Variants in IGSF21 observed in about 807,000 individuals in gnomAD.
IGSF21 encodes the protein immunoglobin superfamily member 21, also known as immunoglobulin superfamily member 21.
IGSF21 carries 28 observed loss-of-function variants against 46.8 expected under a neutral mutation model. The ratio of observed to expected loss-of-function variants is 0.60; its 90% CI spans 0.44 to 0.82. The LOEUF is 0.82. Among genes scored for constraint, IGSF21 ranks in the 40% least tolerant of loss-of-function variants. The pLI is 0.00. For missense variants in IGSF21, 624 were observed against 665.5 expected (o/e 0.94, Z 0.69); for synonymous variants, 284 against 273.6 (o/e 1.04, Z -0.38).
intron 2 of IGSF21, among the ~76,000 whole-genome samples, chr1:18,275,487 A>G (rs1042858244): frequency 1.3e-5 from 2 of 152,160 alleles, no homozygotes; most frequent in Admixed American, 6.5e-5. Context: ...GTGATCAGAC[A>G]TGCAGCAGCC....
intron 1 of IGSF21, among the ~76,000 whole-genome samples, chr1:18,159,219 A>C (rs1382742549): frequency 6.6e-6 from 1 of 152,236 alleles, no homozygotes; most frequent in Non-Finnish European, 1.5e-5. Flanking sequence ...AAAGATGATC[A>C]GTAGGCTGGA....
intron 6 of IGSF21, among the ~76,000 whole-genome samples, chr1:18,369,151 C>A (rs2086200211): frequency 6.6e-6 from 1 of 152,108 alleles, no homozygotes; most frequent in Non-Finnish European, 1.5e-5. Flanking sequence ...AGATGAAGGG[C>A]CCTAATTGGG....
At chr1:18,283,956 G>A (rs1181709102) in intron 2 of IGSF21, among the ~76,000 whole-genome samples, 3 of 152,128 alleles carry the variant, frequency 2.0e-5, no homozygotes, top group Admixed American at 6.6e-5. Flanking sequence ...TTCTATAATC[G>A]GGGATGCAAC....
chr1:18,259,246 G>A (rs1355912967), intron 2 of IGSF21, among the ~76,000 whole-genome samples: 1 of 152,010 alleles, frequency 6.6e-6, no homozygotes, highest in East Asian at 1.9e-4. Flanking sequence ...TCTCCCTTTG[G>A]GCATCTTTCT....
chr1:18,272,766 G>A (rs1400093806), intron 2 of IGSF21, among the ~76,000 whole-genome samples: 1 of 152,160 alleles, frequency 6.6e-6, no homozygotes, highest in African/African-American at 2.4e-5. Context: ...CTTGCCCACT[G>A]GACAAAAGAG....
intron 1 of IGSF21, among the ~76,000 whole-genome samples, chr1:18,116,502 T>G (rs1168276545): frequency 6.6e-6 from 1 of 152,242 alleles, no homozygotes; most frequent in Non-Finnish European, 1.5e-5. Context: ...GGCATGTAAC[T>G]GGCCTCTCCC....
intron 3 of IGSF21, among the ~76,000 whole-genome samples, chr1:18,308,091 C>T (rs1234786448): frequency 6.6e-6 from 1 of 152,148 alleles, no homozygotes; most frequent in African/African-American, 2.4e-5. Flanking sequence ...GTGAATGTCC[C>T]CCTCCTCCTA....
In IGSF21 at chr1:18,109,320, G is replaced by C. The variant is rs2086121004; in HGVS notation, c.70+1122G>C. On this transcript the variant is annotated intron_variant, in intron 1 of 9. Coordinates refer to ENST00000251296, the MANE Select transcript of IGSF21 (RefSeq NM_032880.5). The surrounding 1 kb of genome is among the most constrained non-coding windows in gnomAD (Gnocchi z 4.8). ...CGGAGCCTGGTGCCAACCTCAGCCT[G>C]GCTGGAGTCAGAGCCTGGCTCCGCC... The C allele has an allele frequency of 1.3e-5, 2 of 152,084 alleles. No homozygotes were observed. Among genetic ancestry groups the C allele is most frequent in the Admixed American group, 6.5e-5 (1 of 15,284 alleles). The allele number at this position is 152,084 out of a possible 1,614,324, so 9.4% of individuals were successfully genotyped here.
intron 6 of IGSF21, chr1:18,375,989 C>T: frequency 3.8e-6 from 1 of 263,916 alleles, no homozygotes; most frequent in Non-Finnish European, 7.7e-6. Flanking sequence ...CTGATCTTGT[C>T]CCTCATGGCA....
intron 3 of IGSF21, among the ~76,000 whole-genome samples, chr1:18,301,460 C>A (rs2085361304): frequency 6.6e-6 from 1 of 152,230 alleles, no homozygotes; most frequent in South Asian, 2.1e-4. Context: ...CTGCCTCAGC[C>A]TCCCGAGTAG....
chr1:18,208,396 T>TATATATA (rs397732378), intron 1 of IGSF21, among the ~76,000 whole-genome samples: 6 of 102,294 alleles, frequency 5.9e-5, no homozygotes, highest in South Asian at 3.3e-4. Context: ...TATATATATA[T>TATATATA]TTTTTGAGAC....
chr1:18,330,204 A>C (rs1445645378), intron 3 of IGSF21, among the ~76,000 whole-genome samples: 2 of 152,128 alleles, frequency 1.3e-5, no homozygotes, highest in Non-Finnish European at 2.9e-5. Context: ...TTAGAAAGAA[A>C]ACAGAAAAGA....
chr1:18,222,323 G>A (rs928916678), intron 1 of IGSF21, among the ~76,000 whole-genome samples: 1 of 152,196 alleles, frequency 6.6e-6, no homozygotes, highest in Admixed American at 6.5e-5. Context: ...GGCTGAGCTA[G>A]TCATCTCTGA....
Position 18,152,518 on chromosome 1 carries a change from C to T in IGSF21, c.70+44320C>T, listed in dbSNP as rs12043775. On this transcript the variant is annotated intron_variant, in intron 1 of 9. Transcript: ENST00000251296. ...TTGGCCTTTTGGGTGCTGTGTAAGC[C>T]TAGGTGAGTCACTTGACCTCTCTGA... is the stretch of plus-strand genomic sequence containing the variant. Among the ~76,000 whole-genome samples the T allele has an allele frequency of 1.5e-3, 231 of 152,324 alleles. 6 individuals are homozygous for T. In the East Asian group the frequency reaches 0.037, roughly 25 times the overall value.
intron 1 of IGSF21, among the ~76,000 whole-genome samples, chr1:18,174,925 T>G (rs1469063725): frequency 6.6e-6 from 1 of 152,148 alleles, no homozygotes; most frequent in Non-Finnish European, 1.5e-5. Context: ...GCACTGGAGG[T>G]CTCTGGGGCC....
intron 1 of IGSF21, among the ~76,000 whole-genome samples, chr1:18,226,633 T>C (rs1403217523): frequency 1.3e-5 from 2 of 152,226 alleles, no homozygotes; most frequent in African/African-American, 4.8e-5. Flanking sequence ...AACTTCCAAA[T>C]TGATCCTCTC....
intron 6 of IGSF21, among the ~76,000 whole-genome samples, chr1:18,366,265 T>G (rs539383520): frequency 1.3e-5 from 2 of 152,278 alleles, no homozygotes; most frequent in Admixed American, 6.5e-5. Flanking sequence ...GGATGTTTGC[T>G]GGGTAAATAA....
At chr1:18,359,214 G>A (rs1355896142) in intron 4 of IGSF21, among the ~76,000 whole-genome samples, 1 of 150,992 alleles carries the variant, frequency 6.6e-6, no homozygotes, top group East Asian at 1.9e-4. Context: ...GGAGGTCAAG[G>A]CTGCTGTGAG....
At chr1:18,313,391 T>C (rs1434938849) in intron 3 of IGSF21, among the ~76,000 whole-genome samples, 1 of 152,246 alleles carries the variant, frequency 6.6e-6, no homozygotes, top group Non-Finnish European at 1.5e-5. Context: ...ATCCCAGCTC[T>C]GCCGCTTCCT....
Sources: gnomAD v4.1 joint callset for allele counts (sites outside exome capture counted in the v4.1 genomes callset) on GRCh38, gnomAD v4.1.1 for gene constraint, Gnocchi (gnomAD v3.1) non-coding constraint, MANE v1.5 for transcripts, NCBI Gene and HGNC (gene_info 2026-07-23, HGNC 2026-07-21) for gene names.